Variants in BLTP3A observed in about 807,000 individuals in gnomAD.
BLTP3A encodes the protein ICBP90 binding protein 1.
chr6:34,830,846 A>G, the BLTP3A span, among the ~76,000 whole-genome samples: 4 of 152,108 alleles, frequency 2.6e-5, no homozygotes, highest in African/African-American at 7.2e-5. Context: ...TAGTTGTTCC[A>G]TATCTGGTAT....
chr6:34,860,531 A>G, the BLTP3A span, among the ~76,000 whole-genome samples: 1 of 152,172 alleles, frequency 6.6e-6, no homozygotes, highest in Non-Finnish European at 1.5e-5. Context: ...AGGAGAGGAA[A>G]ACTTCAAGGG....
At chr6:34,857,565 AG>A in the BLTP3A span, 1 of 1,528,588 alleles carries the variant, frequency 6.5e-7, no homozygotes, top group Non-Finnish European at 8.8e-7. Flanking sequence ...TGTTGTTAGG[AG>A]TTTTCAGTGT....
the BLTP3A span, among the ~76,000 whole-genome samples, chr6:34,821,264 C>G: frequency 6.6e-6 from 1 of 152,224 alleles, no homozygotes; most frequent in South Asian, 2.1e-4. Flanking sequence ...CTCCCTCTGT[C>G]TGTTTTTATG....
At chr6:34,873,753 A>G in the BLTP3A span, 1 of 152,262 alleles carries the variant, frequency 6.6e-6, no homozygotes, top group African/African-American at 2.4e-5. Flanking sequence ...ACCTTTCCAT[A>G]CTGAAGGAAA....
chr6:34,795,896 A>G, the BLTP3A span, among the ~76,000 whole-genome samples: 1 of 152,146 alleles, frequency 6.6e-6, no homozygotes, highest in Non-Finnish European at 1.5e-5. Flanking sequence ...GACTCCAGGA[A>G]GAGGTGGTAA....
At chr6:34,836,151 T>C in the BLTP3A span, 1 of 1,613,860 alleles carries the variant, frequency 6.2e-7, no homozygotes, top group Non-Finnish European at 8.5e-7. Flanking sequence ...CTCTGTCACA[T>C]GTAGATCACT....
the BLTP3A span, chr6:34,858,039 A>G: frequency 1.9e-6 from 3 of 1,562,722 alleles, no homozygotes; most frequent in Non-Finnish European, 2.6e-6. Context: ...TCACAGCCCA[A>G]AGGATCTTTT....
chr6:34,792,996 T>C, the BLTP3A span, among the ~76,000 whole-genome samples: 1 of 152,212 alleles, frequency 6.6e-6, no homozygotes, highest in Non-Finnish European at 1.5e-5. Flanking sequence ...CATAGCCTAA[T>C]TGGAGAAAGG....
At chr6:34,798,866 A>C in the BLTP3A span, among the ~76,000 whole-genome samples, 1 of 152,290 alleles carries the variant, frequency 6.6e-6, no homozygotes, top group African/African-American at 2.4e-5. Flanking sequence ...AATCATGTAC[A>C]TTAAGAGAAA....
chr6:34,799,094 A>G, the BLTP3A span, among the ~76,000 whole-genome samples: 15 of 151,974 alleles, frequency 9.9e-5, no homozygotes, highest in Admixed American at 9.8e-4. Flanking sequence ...GGTGCCCGCC[A>G]CCAGGCCTGG....
chr6:34,864,691 G>T, the BLTP3A span, among the ~76,000 whole-genome samples: 113 of 152,194 alleles, frequency 7.4e-4, no homozygotes, highest in African/African-American at 2.6e-3. Context: ...ATCTAGGCTG[G>T]GCACAGTGGC....
the BLTP3A span, chr6:34,855,829 C>A: frequency 1.3e-6 from 2 of 1,505,700 alleles, no homozygotes; most frequent in Non-Finnish European, 8.9e-7. Context: ...CAGAGGGGTG[C>A]TGGAAATATC....
the BLTP3A span, chr6:34,834,310 T>C: frequency 6.2e-7 from 1 of 1,614,132 alleles, no homozygotes; most frequent in Non-Finnish European, 8.5e-7. Flanking sequence ...TCCACGCTTC[T>C]TTTGAATTGT....
At chr6:34,869,893 C>T in the BLTP3A span, among the ~76,000 whole-genome samples, 1 of 152,018 alleles carries the variant, frequency 6.6e-6, no homozygotes, top group East Asian at 1.9e-4. Flanking sequence ...AAGTGATCCA[C>T]CCGCCTCAGC....
chr6:34,856,255 T>C, the BLTP3A span: 1 of 1,613,448 alleles, frequency 6.2e-7, no homozygotes, highest in Non-Finnish European at 8.5e-7. Flanking sequence ...GCTGCAAACA[T>C]TGGGTACGCC....
the BLTP3A span, among the ~76,000 whole-genome samples, chr6:34,868,033 C>T: frequency 2.0e-5 from 3 of 152,096 alleles, no homozygotes; most frequent in African/African-American, 7.2e-5. Flanking sequence ...ATTGGCTGGG[C>T]GCGGGGCTCA....
chr6:34,813,684 C>T, the BLTP3A span, among the ~76,000 whole-genome samples: 1 of 152,052 alleles, frequency 6.6e-6, no homozygotes, highest in Admixed American at 6.6e-5. Flanking sequence ...TTTTTTTCTG[C>T]CAGGGACTGT....
the BLTP3A span, chr6:34,872,073 A>G: frequency 1.1e-6 from 1 of 902,834 alleles, no homozygotes; most frequent in Admixed American, 2.7e-5. Flanking sequence ...AGCGGCTTCT[A>G]GAAGTGCTGA....
At chr6:34,867,518 G>A in the BLTP3A span, 133 of 1,614,064 alleles carry the variant, frequency 8.2e-5, no homozygotes, top group Admixed American at 3.3e-4. Context: ...ATTGAGGTAC[G>A]TGGTGAGGAC....
Sources: gnomAD v4.1 joint callset for allele counts (sites outside exome capture counted in the v4.1 genomes callset) on GRCh38, gnomAD v4.1.1 for gene constraint, MANE v1.5 for transcripts, NCBI Gene and HGNC (gene_info 2026-07-23, HGNC 2026-07-21) for gene names.